The following CDH11 variants were observed in gnomAD, a reference collection of about 807,000 sequenced individuals.
CDH11 encodes the protein cadherin-11.
Under a neutral mutation model 67.8 loss-of-function variants are expected in CDH11, and 11 were observed. The observed-to-expected ratio is 0.16, with a 90% confidence interval of 0.10 to 0.27. The LOEUF (loss-of-function observed/expected upper bound fraction) is 0.27. Ranked by LOEUF, CDH11 falls within the 10% of genes least tolerant of loss-of-function variation. CDH11 has a pLI of 1.00. For synonymous variants in CDH11, 419 were observed against 400.0 expected, an observed-to-expected ratio of 1.05 and a Z score of -0.57; for missense variants, 847 against 1,031.2, an observed-to-expected ratio of 0.82 and a Z score of 2.45.
rs112814675 is a variant in CDH11, at chr16:65,064,900, G to A, written c.-297-10972C>T. On this transcript the variant is annotated intron_variant, in intron 1 of 12. Transcript: ENST00000268603. ...TGAATGACTGAGAGGTGAGGAACAC[G>A]GATCCATGGCACCACAATTATTTTA... Among the ~76,000 whole-genome samples, 1,300 of 152,284 alleles carry A rather than the reference G, an allele frequency of 8.5e-3. 12 individuals carry two copies. Among genetic ancestry groups the A allele is most frequent in the Non-Finnish European group, 0.014 (939 of 68,024 alleles).
At chr16:64,961,382 T>G (rs1440212979) in intron 11 of CDH11, among the ~76,000 whole-genome samples, 4 of 152,278 alleles carry the variant, frequency 2.6e-5, no homozygotes, top group Admixed American at 6.5e-5. Context: ...AACCTTCTGA[T>G]AGCCATGTAA....
chr16:64,986,189 T>A (rs2072482514), intron 7 of CDH11: 1 of 152,034 alleles, frequency 6.6e-6, no homozygotes. Context: ...ATAATTTTTC[T>A]TTTTTTTCCC....
Position 65,019,326 on chromosome 16 carries a change from A to G in CDH11, c.-172-14285T>C, listed in dbSNP as rs534392978. 7.9e-5 allele frequency among the ~76,000 whole-genome samples: 12 copies of G among 152,338 alleles called. No homozygotes were observed. The South Asian group carries it at 2.5e-3, about 32-fold the overall frequency. Reference sequence around the variant, plus strand: ...TGCCATAAATCATTTATTTATCTAAAACAATAACTCAAAATTTCAAAAATG... The same window carrying G: ...TGCCATAAATCATTTATTTATCTAAGACAATAACTCAAAATTTCAAAAATG... On this transcript the variant is annotated intron_variant, in intron 2 of 12. Transcript: ENST00000268603.
At chr16:64,975,514 A>G (rs958758148) in intron 8 of CDH11, among the ~76,000 whole-genome samples, 13 of 152,198 alleles carry the variant, frequency 8.5e-5, no homozygotes, top group African/African-American at 3.1e-4. Context: ...ATGGAATCCT[A>G]GATGATGATG....
At position 64,948,672 on chromosome 16, in the gene CDH11, C is replaced by T. The variant is rs749121210; in HGVS notation, c.1895-573G>A. ...GGAAAGGAAGTTTTATAAAGACCCC[C>T]AGAAGACAAAATCTTCTGTTTACTT... is the stretch of plus-strand genomic sequence containing the variant. On this transcript the variant is annotated intron_variant, in intron 12 of 12. Coordinates refer to ENST00000268603, the MANE Select transcript of CDH11 (RefSeq NM_001797.4). The T allele has an allele frequency of 6.2e-6, 10 of 1,610,276 alleles. No homozygotes were observed. In the African/African-American group the frequency reaches 1.3e-4, roughly 22 times the overall value.
chr16:65,089,025 G>A (rs749028690), intron 1 of CDH11, among the ~76,000 whole-genome samples: 2 of 152,130 alleles, frequency 1.3e-5, no homozygotes, highest in African/African-American at 4.8e-5. Flanking sequence ...TTTCACTTTC[G>A]ATGCACTTTG....
chr16:64,978,524 T>C (rs1337154915), intron 8 of CDH11, among the ~76,000 whole-genome samples: 4 of 152,208 alleles, frequency 2.6e-5, no homozygotes, highest in African/African-American at 9.7e-5. Flanking sequence ...AGTTCCTGAT[T>C]TCAAAACATA....
At chr16:65,048,987 G>C (rs1181771684) in intron 2 of CDH11, among the ~76,000 whole-genome samples, 1 of 152,048 alleles carries the variant, frequency 6.6e-6, no homozygotes, top group African/African-American at 2.4e-5. Flanking sequence ...TCAGTTATGA[G>C]TGGGAACTAA....
chr16:64,972,395 G>C (rs535729591), intron 9 of CDH11, among the ~76,000 whole-genome samples: 16 of 152,324 alleles, frequency 1.1e-4, no homozygotes, highest in Non-Finnish European at 2.2e-4. Context: ...GGAGTCTAGA[G>C]AGAAGCATTA....
intron 1 of CDH11, among the ~76,000 whole-genome samples, chr16:65,055,427 T>G (rs1279479660): frequency 3.3e-5 from 5 of 152,356 alleles, no homozygotes; most frequent in East Asian, 3.9e-4. Context: ...TGCCTTTTTA[T>G]GTAAACTTGC....
chr16:65,050,419 G>T (rs1327409688), intron 2 of CDH11, among the ~76,000 whole-genome samples: 1 of 152,216 alleles, frequency 6.6e-6, no homozygotes, highest in Admixed American at 6.5e-5. Context: ...CTTGAGGAAA[G>T]AGGAAGTGCC....
At chr16:65,064,439 G>C (rs914065743) in intron 1 of CDH11, among the ~76,000 whole-genome samples, 1 of 152,184 alleles carries the variant, frequency 6.6e-6, no homozygotes, top group Non-Finnish European at 1.5e-5. Flanking sequence ...AATACCATCA[G>C]GGTTCTGTTA....
chr16:65,011,029 A>T lies in CDH11; in HGVS notation c.-172-5988T>A, dbSNP rs1169463466. Reference sequence around the variant, plus strand: ...TGTATATATATGTGTATATATATACACACATATGTATATGTATATATGTAT... The same window carrying T: ...TGTATATATATGTGTATATATATACTCACATATGTATATGTATATATGTAT... On this transcript the variant is annotated intron_variant, in intron 2 of 12. Coordinates refer to ENST00000268603, the MANE Select transcript of CDH11 (RefSeq NM_001797.4). Among the ~76,000 whole-genome samples, 5 of 148,226 alleles carry T rather than the reference A, an allele frequency of 3.4e-5. No individual in the cohort carries two copies. In the East Asian group the frequency reaches 9.8e-4, roughly 29 times the overall value.
At chr16:65,024,076 C>T (rs2073484623) in intron 2 of CDH11, among the ~76,000 whole-genome samples, 1 of 152,196 alleles carries the variant, frequency 6.6e-6, no homozygotes, top group Non-Finnish European at 1.5e-5. Context: ...GAAGACCACG[C>T]TGCTCTTTCC....
chr16:65,005,781 A>G (rs1274196718), intron 2 of CDH11, among the ~76,000 whole-genome samples: 1 of 152,212 alleles, frequency 6.6e-6, no homozygotes, highest in Non-Finnish European at 1.5e-5. Flanking sequence ...TTAGCCTGGA[A>G]GTCTCAGAAA....
Position 64,970,030 on chromosome 16 carries a change from G to A in CDH11, c.1642+1549C>T, listed in dbSNP as rs75002445. 5.5e-3 allele frequency among the ~76,000 whole-genome samples: 843 copies of A among 152,232 alleles called. 10 individuals are homozygous for A. Among genetic ancestry groups the A allele is most frequent in the African/African-American group, 0.019 (777 of 41,548 alleles). On this transcript the variant is annotated intron_variant, in intron 11 of 12. Coordinates refer to ENST00000268603, the MANE Select transcript of CDH11 (RefSeq NM_001797.4). ...ACAAACTTAAAGAGTGTTAAGTAACGTTTTGTTTTAAAATGATGGGAATCA... is the reference window on the plus strand; with the variant it reads ...ACAAACTTAAAGAGTGTTAAGTAACATTTTGTTTTAAAATGATGGGAATCA...
At chr16:65,021,775 G>A (rs796326278) in intron 2 of CDH11, among the ~76,000 whole-genome samples, 6 of 147,678 alleles carry the variant, frequency 4.1e-5, no homozygotes, top group African/African-American at 1.5e-4. Flanking sequence ...AAACCAATAA[G>A]CCTTAACTAA....
At chr16:64,999,037 C>A (rs1233005362) in intron 3 of CDH11, among the ~76,000 whole-genome samples, 181 bp from the exon 4 acceptor site, 1 of 152,126 alleles carries the variant, frequency 6.6e-6, no homozygotes, top group Non-Finnish European at 1.5e-5. Flanking sequence ...TGGCCAAGGT[C>A]ACACTGCAGA....
At position 65,112,311 on chromosome 16, in the gene CDH11, C is replaced by A. The variant is rs181006208; in HGVS notation, c.-298+9569G>T. Among the ~76,000 whole-genome samples, 338 of 152,172 alleles carry A rather than the reference C, an allele frequency of 2.2e-3. 1 individual carries two copies. Among genetic ancestry groups the A allele is most frequent in the Admixed American group, 2.5e-3 (38 of 15,286 alleles). ...GGACATGGTAGCAATGATTCAAGGA[C>A]CTGATGGCAGAGTTTGTTGGTCTAG... is the stretch of plus-strand genomic sequence containing the variant. On this transcript the variant is annotated intron_variant, in intron 1 of 12. Transcript: ENST00000268603.
Sources: gnomAD v4.1 joint callset for allele counts (sites outside exome capture counted in the v4.1 genomes callset) on GRCh38, gnomAD v4.1.1 for gene constraint, MANE v1.5 for transcripts, NCBI Gene and HGNC (gene_info 2026-07-23, HGNC 2026-07-21) for gene names.